The following CCDC148 variants were observed in gnomAD, a reference collection of about 807,000 sequenced individuals.
The protein encoded by CCDC148 is coiled-coil domain containing 148, also known as coiled-coil domain-containing protein 148.
A neutral mutation model predicts 85.7 loss-of-function variants in CCDC148; 89 were observed. The observed-to-expected ratio is 1.04, with a 90% CI of 0.87 to 1.24. The LOEUF (loss-of-function observed/expected upper bound fraction) is 1.24, where lower values mean the gene tolerates loss of function less well. Among genes scored for constraint, CCDC148 ranks in the 50% most tolerant of loss-of-function variants. CCDC148 has a pLI of 0.00. For synonymous variants in CCDC148, 230 were observed against 213.9 expected, an observed-to-expected ratio of 1.08 and a Z score of -0.66; for missense variants, 692 against 671.7, an observed-to-expected ratio of 1.03 and a Z score of -0.33.
intron 1 of CCDC148, among the ~76,000 whole-genome samples, chr2:158,384,950 C>T (rs1685023900): frequency 1.3e-5 from 2 of 152,246 alleles, no homozygotes; most frequent in Admixed American, 6.5e-5. Flanking sequence ...TAAGGGAAAA[C>T]CCATTTGCCA....
intron 7 of CCDC148, among the ~76,000 whole-genome samples, chr2:158,331,560 C>G (rs942021535): frequency 1.8e-4 from 27 of 151,918 alleles, no homozygotes; most frequent in Admixed American, 1.4e-3. Flanking sequence ...CCTGGGTATT[C>G]TTGTTGACTT....
chr2:158,343,461 A>C (rs1682843165), intron 3 of CCDC148, among the ~76,000 whole-genome samples: 1 of 152,218 alleles, frequency 6.6e-6, no homozygotes, highest in South Asian at 2.1e-4. Context: ...GAGATAAAAC[A>C]TGTAAAGGAC....
chr2:158,380,975 G>A (rs926823112), intron 1 of CCDC148: 12 of 152,144 alleles, frequency 7.9e-5, no homozygotes, highest in African/African-American at 2.9e-4. Context: ...AAATCCAGAT[G>A]TACTGCAGAT....
chr2:158,353,811 G>C (rs1574676973), intron 2 of CCDC148, among the ~76,000 whole-genome samples: 1 of 152,072 alleles, frequency 6.6e-6, no homozygotes, highest in East Asian at 1.9e-4. Flanking sequence ...TTCCAAAATT[G>C]ACCATATAGT....
chr2:158,350,783 T>C (rs1683224799), intron 2 of CCDC148, among the ~76,000 whole-genome samples: 1 of 152,208 alleles, frequency 6.6e-6, no homozygotes, highest in Non-Finnish European at 1.5e-5. Context: ...TGTGCATATT[T>C]ATGGGCACAA....
At chr2:158,201,979 G>A (rs929625994) in intron 11 of CCDC148, among the ~76,000 whole-genome samples, 1 of 152,096 alleles carries the variant, frequency 6.6e-6, no homozygotes, top group African/African-American at 2.4e-5. Flanking sequence ...CAAATGGCAT[G>A]GCATAACAAA....
intron 1 of CCDC148, among the ~76,000 whole-genome samples, chr2:158,416,973 G>C (rs1241581134): frequency 1.2e-4 from 19 of 152,170 alleles, no homozygotes; most frequent in Admixed American, 1.2e-3. Context: ...ATGGCAGAAG[G>C]GGAGGCAGAC....
At chr2:158,273,433 TC>T (rs1404545036) in intron 9 of CCDC148, among the ~76,000 whole-genome samples, 1 of 151,886 alleles carries the variant, frequency 6.6e-6, no homozygotes, top group African/African-American at 2.4e-5. Flanking sequence ...CTATAAAATG[TC>T]CCCCAAAGTA....
chr2:158,347,029 A>G (rs1016421584), intron 2 of CCDC148, among the ~76,000 whole-genome samples: 9 of 152,202 alleles, frequency 5.9e-5, no homozygotes, highest in Admixed American at 3.3e-4. Flanking sequence ...GACCCTGCAG[A>G]AAAACATTCA....
At chr2:158,379,270 C>T (rs969131152) in intron 1 of CCDC148, among the ~76,000 whole-genome samples, 1 of 152,062 alleles carries the variant, frequency 6.6e-6, no homozygotes, top group African/African-American at 2.4e-5. Flanking sequence ...AGCAAGGGAA[C>T]TAGGATTAGA....
At chr2:158,341,956 A>G (rs1682722741) in intron 3 of CCDC148, among the ~76,000 whole-genome samples, 1 of 146,252 alleles carries the variant, frequency 6.8e-6, no homozygotes, top group African/African-American at 2.5e-5. Context: ...ATATTTCTAA[A>G]TAGTTTTCAT....
At chr2:158,378,246 T>C (rs1684735073) in intron 1 of CCDC148, among the ~76,000 whole-genome samples, 2 of 152,110 alleles carry the variant, frequency 1.3e-5, no homozygotes, top group Non-Finnish European at 2.9e-5. Flanking sequence ...GGATAGAAGA[T>C]CAAACCTGCC....
At chr2:158,237,884 GA>G (rs1688179414) in intron 10 of CCDC148, among the ~76,000 whole-genome samples, 1 of 152,142 alleles carries the variant, frequency 6.6e-6, no homozygotes, top group African/African-American at 2.4e-5. Flanking sequence ...TAAGACAGAG[GA>G]ACAAAGAAAG....
intron 11 of CCDC148, among the ~76,000 whole-genome samples, chr2:158,201,663 C>A (rs755890532): frequency 6.6e-6 from 1 of 152,106 alleles, no homozygotes; most frequent in African/African-American, 2.4e-5. Context: ...CCAGCCATCT[C>A]GGCTTCCTAA....
At chr2:158,266,205 G>C (rs1385922622) in intron 9 of CCDC148, among the ~76,000 whole-genome samples, 1 of 152,124 alleles carries the variant, frequency 6.6e-6, no homozygotes, top group Non-Finnish European at 1.5e-5. Flanking sequence ...CCAGGGGCAG[G>C]CAGGTACAAA....
intron 1 of CCDC148, among the ~76,000 whole-genome samples, chr2:158,410,291 G>A (rs1205121847): frequency 5.9e-5 from 9 of 152,114 alleles, no homozygotes; most frequent in Admixed American, 1.3e-4. Flanking sequence ...GCTAGATCTT[G>A]TTTTTAATCC....
At chr2:158,217,370 G>GTATATATATATA (rs1453254522) in intron 11 of CCDC148, among the ~76,000 whole-genome samples, 11 of 75,502 alleles carry the variant, frequency 1.5e-4, no homozygotes, top group Admixed American at 3.8e-4. Flanking sequence ...TTTTGTGTGT[G>GTATATATATATA]TGTGTATATA....
intron 10 of CCDC148, among the ~76,000 whole-genome samples, chr2:158,230,745 A>C (rs888980174): frequency 1.3e-5 from 2 of 152,180 alleles, no homozygotes; most frequent in South Asian, 4.1e-4. Flanking sequence ...ACCAGTTAGA[A>C]GGAAAAGGCA....
At chr2:158,438,420 A>G (rs533372423) in intron 1 of CCDC148, among the ~76,000 whole-genome samples, 57 of 152,390 alleles carry the variant, frequency 3.7e-4, no homozygotes, top group Admixed American at 1.8e-3. Flanking sequence ...CTGGCTAGCC[A>G]TATGTAGAAA....
Sources: gnomAD v4.1 joint callset for allele counts (sites outside exome capture counted in the v4.1 genomes callset) on GRCh38, gnomAD v4.1.1 for gene constraint, MANE v1.5 for transcripts, NCBI Gene and HGNC (gene_info 2026-07-23, HGNC 2026-07-21) for gene names.